The following PLCB4 variants were observed in gnomAD, a reference collection of about 807,000 sequenced individuals.
The protein encoded by PLCB4 is 1-phosphatidylinositol 4,5-bisphosphate phosphodiesterase beta-4.
A neutral mutation model predicts 178.8 loss-of-function variants in PLCB4; 77 were observed. That is an observed-to-expected ratio of 0.43 (90% CI 0.36 to 0.52). The LOEUF is 0.52. Among genes scored for constraint, PLCB4 ranks in the 20% least tolerant of loss-of-function variants. PLCB4 has a pLI of 0.00. For missense variants in PLCB4, 1,024 were observed against 1,453.4 expected (o/e 0.70, Z 4.80); for synonymous variants, 496 against 490.8 (o/e 1.01, Z -0.14).
At chr20:9,269,962 G>A (rs1167958650) in intron 3 of PLCB4, among the ~76,000 whole-genome samples, 1 of 152,072 alleles carries the variant, frequency 6.6e-6, no homozygotes, top group African/African-American at 2.4e-5. Flanking sequence ...AGATGCATAG[G>A]AGTCTTGGAA....
At chr20:9,365,410 G>T (rs896756019) in intron 8 of PLCB4, 51 bp from the exon 9 acceptor site, 6 of 1,141,796 alleles carry the variant, frequency 5.3e-6, no homozygotes, top group Non-Finnish European at 6.6e-6. Flanking sequence ...CAGAATTGAA[G>T]CTGCTCCCTC....
chr20:9,433,219 C>T (rs1383068369), intron 28 of PLCB4, among the ~76,000 whole-genome samples: 1 of 152,204 alleles, frequency 6.6e-6, no homozygotes, highest in Non-Finnish European at 1.5e-5. Flanking sequence ...AATGGGACAA[C>T]CAGCCTTTAT....
chr20:9,224,002 G>C (rs773085201), intron 3 of PLCB4, among the ~76,000 whole-genome samples: 2 of 152,256 alleles, frequency 1.3e-5, no homozygotes, highest in South Asian at 2.1e-4. Flanking sequence ...GAATTATCTC[G>C]GGAATTTTCC....
intron 35 of PLCB4, 83 bp from the exon 36 acceptor site, chr20:9,468,488 T>TAGAAAG: frequency 2.4e-6 from 2 of 821,718 alleles, no homozygotes; most frequent in Non-Finnish European, 4.2e-6. Context: ...ACTTTCTCAT[T>TAGAAAG]TTCCCCAGGT....
intron 2 of PLCB4, among the ~76,000 whole-genome samples, chr20:9,163,224 ACATGTCG>A (rs2092917744): frequency 6.6e-6 from 1 of 152,210 alleles, no homozygotes; most frequent in South Asian, 2.1e-4. Flanking sequence ...ACTTGAGTAA[ACATGTCG>A]ACTCTGTTTT....
rs1045529577 is a variant in PLCB4, at chr20:9,459,874, G to GTA, written c.3248+67_3248+68dup. 6.2e-5 allele frequency: 67 copies of GTA among 1,081,304 alleles called. No individual in the cohort carries two copies. The African/African-American group carries it at 9.8e-4, about 16-fold the overall frequency. 67.0% of individuals were successfully genotyped at this position (1,081,304 alleles called of 1,614,324 possible). ...TTAAAAACAAAAGCTGATTTTGTGT[G>GTA]TATAAGAGAGCCAAGGTAATAAGTG... is the stretch of plus-strand genomic sequence containing the variant. On this transcript the variant is annotated intron_variant, in intron 35 of 39. Transcript: ENST00000378473.
chr20:9,230,150 T>A lies in PLCB4; in HGVS notation c.-16+12698T>A, dbSNP rs143590931. Among the ~76,000 whole-genome samples the A allele has an allele frequency of 8.2e-4, 125 of 152,256 alleles. 1 individual carries two copies. Among genetic ancestry groups the A allele is most frequent in the African/African-American group, 2.8e-3 (118 of 41,572 alleles). On this transcript the variant is annotated intron_variant, in intron 3 of 39. Coordinates refer to ENST00000378473, the MANE Select transcript of PLCB4 (RefSeq NM_001377142.1). ...ATGGTGTTTGCTGTGTACACTCACA[T>A]TCCTGATGCCTCTTTTTGTGTCCAA...
rs75803038 is a variant in PLCB4, at chr20:9,395,361, C to T, written c.1415-162C>T. ...CAAGGTCGAGACCACCAGGAAATGG[C>T]GAGAGAGAGATCACTGCTGAACCTT... On this transcript the variant is annotated intron_variant, in intron 18 of 39. Coordinates refer to ENST00000378473, the MANE Select transcript of PLCB4 (RefSeq NM_001377142.1). 5.9e-5 allele frequency among the ~76,000 whole-genome samples: 9 copies of T among 152,276 alleles called. No individual in the cohort carries two copies. The East Asian group carries it at 1.2e-3, about 20-fold the overall frequency.
At chr20:9,124,901 T>C (rs2092071005) in intron 2 of PLCB4, among the ~76,000 whole-genome samples, 1 of 152,236 alleles carries the variant, frequency 6.6e-6, no homozygotes, top group African/African-American at 2.4e-5. Context: ...CTGTATTGTA[T>C]TTTAAAAAGT....
Position 9,400,213 on chromosome 20 carries a change from C to A in PLCB4, c.1511-1277C>A, listed in dbSNP as rs199588976. On this transcript the variant is annotated intron_variant, in intron 19 of 39. Coordinates refer to ENST00000378473, the MANE Select transcript of PLCB4 (RefSeq NM_001377142.1). ...GCTGTTTCTTTCCCTCACCCTCCTC[C>A]TGTGCCTGGAGAGATACTTCACAAA... Among the ~76,000 whole-genome samples, 7 of 152,218 alleles carry A rather than the reference C, an allele frequency of 4.6e-5. No individual in the cohort carries two copies. In the East Asian group the frequency reaches 1.4e-3, roughly 29 times the overall value.
chr20:9,427,495 T>C (rs1222330629), intron 28 of PLCB4, among the ~76,000 whole-genome samples: 1 of 152,226 alleles, frequency 6.6e-6, no homozygotes, highest in Non-Finnish European at 1.5e-5. Context: ...ACTCCCTCTG[T>C]CATACACAAA....
Position 9,438,226 on chromosome 20 carries a change from C to T in PLCB4, c.2764+1074C>T, listed in dbSNP as rs535325752. Among the ~76,000 whole-genome samples, 3 of 152,176 alleles carry T rather than the reference C, an allele frequency of 2.0e-5. No individual in the cohort carries two copies. The South Asian group carries it at 6.2e-4, about 32-fold the overall frequency. On this transcript the variant is annotated intron_variant, in intron 30 of 39. Transcript: ENST00000378473. Reference sequence around the variant, plus strand: ...CTAAAAATACAAAAAATTAGCCAGGCATGGTGGCGAGCCCCTGTAGTCCCA... The same window carrying T: ...CTAAAAATACAAAAAATTAGCCAGGTATGGTGGCGAGCCCCTGTAGTCCCA...
Position 9,077,757 on chromosome 20 carries a change from C to G in PLCB4, c.-135+8551C>G, listed in dbSNP as rs115242613. ...GTTGTTAGAGAAGTGAGGTGGTCCACAGCCAACACAGACAGATCAGACGTT... is the reference window on the plus strand; with the variant it reads ...GTTGTTAGAGAAGTGAGGTGGTCCAGAGCCAACACAGACAGATCAGACGTT... On this transcript the variant is annotated intron_variant, in intron 1 of 39. Coordinates refer to ENST00000378473, the MANE Select transcript of PLCB4 (RefSeq NM_001377142.1). Among the ~76,000 whole-genome samples the G allele has an allele frequency of 9.6e-3, 1,466 of 152,274 alleles. 27 individuals carry two copies. The highest frequency in any genetic ancestry group is 0.034 in the African/African-American group (1,400 of 41,538).
At chr20:9,402,094 C>T (rs149430344) in intron 20 of PLCB4, among the ~76,000 whole-genome samples, 1 of 152,206 alleles carries the variant, frequency 6.6e-6, no homozygotes, top group Non-Finnish European at 1.5e-5. Context: ...CCATAATGAC[C>T]TAAAAGTGTA....
chr20:9,330,778 T>A (rs1422223938), intron 4 of PLCB4, among the ~76,000 whole-genome samples: 1 of 152,216 alleles, frequency 6.6e-6, no homozygotes, highest in Non-Finnish European at 1.5e-5. Context: ...GCAGAACCCA[T>A]CTGGCACATT....
At chr20:9,328,998 G>A (rs1410189409) in intron 4 of PLCB4, among the ~76,000 whole-genome samples, 4 of 152,204 alleles carry the variant, frequency 2.6e-5, no homozygotes, top group African/African-American at 9.7e-5. Flanking sequence ...TCGGTTGGAG[G>A]AGGCATGCCA....
intron 7 of PLCB4, among the ~76,000 whole-genome samples, chr20:9,348,529 G>C (rs891369020): frequency 1.3e-5 from 2 of 152,240 alleles, no homozygotes; most frequent in Admixed American, 1.3e-4. Context: ...CAATAGGACA[G>C]AGATCATATA....
chr20:9,262,913 A>T (rs2094312243), intron 3 of PLCB4, among the ~76,000 whole-genome samples: 2 of 152,150 alleles, frequency 1.3e-5, no homozygotes, highest in South Asian at 4.1e-4. Context: ...GCAGGGGAGG[A>T]TCTAAAAATA....
At chr20:9,108,658 C>A (rs771905716) in intron 2 of PLCB4, among the ~76,000 whole-genome samples, 1 of 146,730 alleles carries the variant, frequency 6.8e-6, no homozygotes, top group Non-Finnish European at 1.5e-5. Flanking sequence ...TTCAAGAATG[C>A]CAAATATATT....
Sources: gnomAD v4.1 joint callset for allele counts (sites outside exome capture counted in the v4.1 genomes callset) on GRCh38, gnomAD v4.1.1 for gene constraint, MANE v1.5 for transcripts, NCBI Gene and HGNC (gene_info 2026-07-23, HGNC 2026-07-21) for gene names.